The following FBXL13 variants were observed in gnomAD, a reference collection of about 807,000 sequenced individuals.
The protein encoded by FBXL13 is F-box and leucine rich repeat protein 13, also known as F-box and leucine-rich repeat protein 13.
FBXL13 carries 67 observed loss-of-function variants against 83.6 expected under a neutral mutation model. The observed-to-expected ratio is 0.80, with a 90% confidence interval of 0.66 to 0.98. The LOEUF (loss-of-function observed/expected upper bound fraction) is 0.98. Ranked by LOEUF, FBXL13 falls within the 50% of genes least tolerant of loss-of-function variation. The pLI is 0.00. For missense variants in FBXL13, 822 were observed against 866.5 expected (o/e 0.95, Z 0.64); for synonymous variants, 272 against 299.5 (o/e 0.91, Z 0.95).
At chr7:103,026,145 G>C (rs552825967) in intron 5 of FBXL13, among the ~76,000 whole-genome samples, 1 of 151,978 alleles carries the variant, frequency 6.6e-6, no homozygotes, top group African/African-American at 2.4e-5. Flanking sequence ...TTTTTTGTTT[G>C]TTTGTTTTTT....
At chr7:102,835,637 T>C in intron 17 of FBXL13, among the ~76,000 whole-genome samples, 1 of 98,196 alleles carries the variant, frequency 1.0e-5, no homozygotes, top group African/African-American at 5.0e-5. Flanking sequence ...TGAGACGGAG[T>C]CTCGCTCTGT....
intron 1 of FBXL13, among the ~76,000 whole-genome samples, chr7:103,056,726 G>A (rs1797374273): frequency 6.6e-6 from 1 of 152,124 alleles, no homozygotes; most frequent in Admixed American, 6.5e-5. Flanking sequence ...TGAAAGTGCT[G>A]GGATTACAGG....
At chr7:103,011,747 A>T (rs1791652506) in intron 6 of FBXL13, among the ~76,000 whole-genome samples, 1 of 152,286 alleles carries the variant, frequency 6.6e-6, no homozygotes, top group African/African-American at 2.4e-5. Context: ...AAAGAATCTC[A>T]GTGGTTGAAA....
intron 11 of FBXL13, among the ~76,000 whole-genome samples, chr7:102,904,799 G>T (rs988178885): frequency 2.6e-5 from 4 of 151,908 alleles, no homozygotes; most frequent in Non-Finnish European, 5.9e-5. Context: ...ATAGGTTTTG[G>T]TATGTTGTGT....
At chr7:102,913,361 C>G in intron 10 of FBXL13, 146 bp from the exon 12 acceptor site, 1 of 927,082 alleles carries the variant, frequency 1.1e-6, no homozygotes, top group Non-Finnish European at 1.6e-6. Context: ...AACTCTCTAC[C>G]TGTTAATTAA....
chr7:102,941,348 C>A (rs1821383476), intron 8 of FBXL13, among the ~76,000 whole-genome samples: 1 of 152,102 alleles, frequency 6.6e-6, no homozygotes. Context: ...CCCTTTCTTG[C>A]AAGAAAAACT....
intron 2 of FBXL13, among the ~76,000 whole-genome samples, chr7:103,053,785 A>G (rs1328083125): frequency 6.6e-6 from 1 of 152,186 alleles, no homozygotes; most frequent in Non-Finnish European, 1.5e-5. Flanking sequence ...ATAGGTCAAA[A>G]GTCTGTGGTT....
intron 19 of FBXL13, among the ~76,000 whole-genome samples, chr7:102,817,439 C>T (rs1454249776): frequency 6.6e-6 from 1 of 152,094 alleles, no homozygotes; most frequent in Non-Finnish European, 1.5e-5. Context: ...TTTTTGCCCA[C>T]TTTTTAATGG....
intron 18 of FBXL13, chr7:102,822,453 CAG>C (rs142147880): frequency 2.7e-3 from 1,551 of 575,276 alleles, no homozygotes; most frequent in East Asian, 4.2e-3. Flanking sequence ...TCTCACATGG[CAG>C]AGAGAGAGAG....
intron 8 of FBXL13, among the ~76,000 whole-genome samples, chr7:102,948,765 G>A (rs930360617): frequency 6.6e-6 from 1 of 151,406 alleles, no homozygotes; most frequent in South Asian, 2.1e-4. Flanking sequence ...AAGCTGAAGT[G>A]CAGTGGCATG....
chr7:102,939,003 C>T (rs558308407), intron 8 of FBXL13, among the ~76,000 whole-genome samples: 2 of 152,160 alleles, frequency 1.3e-5, no homozygotes, highest in East Asian at 1.9e-4. Flanking sequence ...ACATTTTTTT[C>T]GACCCATTTA....
intron 10 of FBXL13, among the ~76,000 whole-genome samples, chr7:102,915,130 T>A (rs1445139961): frequency 1.3e-5 from 2 of 151,324 alleles, no homozygotes; most frequent in African/African-American, 4.9e-5. Context: ...ATATTTTTTT[T>A]TTTTTTTTTT....
At chr7:103,019,529 C>G (rs1212815644) in intron 6 of FBXL13, among the ~76,000 whole-genome samples, 2 of 152,126 alleles carry the variant, frequency 1.3e-5, no homozygotes, top group East Asian at 1.9e-4. Flanking sequence ...ATCAATGAAT[C>G]CAGGAGCTGG....
chr7:103,063,820 G>A (rs935950367), intron 1 of FBXL13, among the ~76,000 whole-genome samples: 17 of 148,616 alleles, frequency 1.1e-4, no homozygotes, highest in African/African-American at 4.2e-4. Flanking sequence ...CTGCCAAAGT[G>A]CTGGAATTAC....
At chr7:102,820,667 T>G (rs890854653) in intron 19 of FBXL13, among the ~76,000 whole-genome samples, 5 of 152,156 alleles carry the variant, frequency 3.3e-5, no homozygotes, top group Non-Finnish European at 2.9e-5. Flanking sequence ...GAAAAGAAAT[T>G]TATTGCTCAT....
At chr7:102,997,956 G>A (rs1345596920) in intron 6 of FBXL13, among the ~76,000 whole-genome samples, 1 of 152,124 alleles carries the variant, frequency 6.6e-6, no homozygotes, top group African/African-American at 2.4e-5. Flanking sequence ...TGGATCATAT[G>A]GCAATTCTAT....
intron 10 of FBXL13, 105 bp downstream of exon 11, chr7:102,926,169 T>C (rs1818090528): frequency 1.2e-6 from 1 of 834,388 alleles, no homozygotes; most frequent in South Asian, 1.7e-5. Flanking sequence ...GCCACAGTGG[T>C]GGGGTGTTGA....
chr7:103,052,756 C>CT (rs67278019), intron 2 of FBXL13, among the ~76,000 whole-genome samples: 274 of 134,290 alleles, frequency 2.0e-3, no homozygotes, highest in Admixed American at 2.7e-3. Flanking sequence ...AATTCCTTTT[C>CT]TTTTTTTTTT....
intron 14 of FBXL13, among the ~76,000 whole-genome samples, chr7:102,881,665 A>G (rs1810117433): frequency 6.6e-6 from 1 of 151,868 alleles, no homozygotes; most frequent in African/African-American, 2.4e-5. Context: ...ATTATCTCCC[A>G]GTTTCTGGAC....
Sources: gnomAD v4.1 joint callset for allele counts (sites outside exome capture counted in the v4.1 genomes callset) on GRCh38, gnomAD v4.1.1 for gene constraint, MANE v1.5 for transcripts, NCBI Gene and HGNC (gene_info 2026-07-23, HGNC 2026-07-21) for gene names.